CPVL: variants seen among roughly 807,000 people sequenced by gnomAD.
CPVL encodes probable serine carboxypeptidase CPVL.
A neutral mutation model predicts 63.7 loss-of-function variants in CPVL; 51 were observed. That is an observed-to-expected ratio of 0.80 (90% CI 0.64 to 1.01). The LOEUF (loss-of-function observed/expected upper bound fraction) is 1.01, where lower values mean the gene tolerates loss of function less well. CPVL is among the 50% of genes least tolerant of loss of function. The probability of loss-of-function intolerance (pLI) is 0.00; values close to 1 mark genes in which losing one functional copy is unlikely to be tolerated. For synonymous variants in CPVL, 195 were observed against 206.0 expected, an observed-to-expected ratio of 0.95 and a Z score of 0.46; for missense variants, 530 against 573.1, an observed-to-expected ratio of 0.92 and a Z score of 0.77.
At chr7:29,072,206 T>C (rs1490256525) in intron 8 of CPVL, 95 bp downstream of exon 8, 18 of 1,391,146 alleles carry the variant, frequency 1.3e-5, no homozygotes, top group Non-Finnish European at 1.6e-5. Context: ...GTTTCCCTTA[T>C]CAAAAGTTAG....
chr7:29,134,974 A>T (rs955697953), intron 1 of CPVL, among the ~76,000 whole-genome samples: 11 of 151,878 alleles, frequency 7.2e-5, no homozygotes, highest in Non-Finnish European at 1.2e-4. Flanking sequence ...ATGGTGGCAC[A>T]CACCTGTGAT....
intron 11 of CPVL, among the ~76,000 whole-genome samples, chr7:29,049,326 G>A (rs1339617135): frequency 3.9e-5 from 6 of 151,994 alleles, no homozygotes; most frequent in Middle Eastern, 3.4e-3. Context: ...GAAACAAAAC[G>A]GGAGACATTA....
chr7:29,164,779 C>CAAAAAAAAAAA, intron 5 of CPVL, among the ~76,000 whole-genome samples: 1 of 85,880 alleles, frequency 1.2e-5, no homozygotes, highest in African/African-American at 4.3e-5. Flanking sequence ...AGACCTGTCT[C>CAAAAAAAAAAA]AAAAAAAAAA....
chr7:29,039,190 A>G (rs1035263371), intron 11 of CPVL, among the ~76,000 whole-genome samples: 1 of 152,238 alleles, frequency 6.6e-6, no homozygotes, highest in African/African-American at 2.4e-5. Flanking sequence ...CAAATCATAA[A>G]TTGAATTTCA....
intron 5 of CPVL, among the ~76,000 whole-genome samples, chr7:29,173,275 G>A (rs1452973967): frequency 6.6e-6 from 1 of 152,126 alleles, no homozygotes; most frequent in South Asian, 2.1e-4. Flanking sequence ...CCTGTAGCTG[G>A]CATTGCCCTG....
intron 1 of CPVL, among the ~76,000 whole-genome samples, chr7:29,125,423 C>T (rs1355874868): frequency 1.5e-5 from 2 of 137,882 alleles, no homozygotes; most frequent in Non-Finnish European, 3.1e-5. Context: ...GACAGAGTCT[C>T]GCTCTGTCAC....
At chr7:29,016,870 C>A (rs1786463740) in intron 12 of CPVL, among the ~76,000 whole-genome samples, 1 of 152,180 alleles carries the variant, frequency 6.6e-6, no homozygotes, top group African/African-American at 2.4e-5. Flanking sequence ...ACTTCCAAAC[C>A]AATATCAAGA....
In CPVL at chr7:29,144,533, G is replaced by A. The variant is rs1792241601; in HGVS notation, c.-11+1896C>T. On this transcript the variant is annotated intron_variant, in intron 1 of 12. Transcript: ENST00000265394. ...CAGAGATGGTGCCACTCCAGCTTGG[G>A]TGACAAAGTGAGACTCTTGTCTCAA... is the stretch of plus-strand genomic sequence containing the variant. Among the ~76,000 whole-genome samples, 3 of 152,094 alleles carry A rather than the reference G, an allele frequency of 2.0e-5. No individual in the cohort carries two copies. The South Asian group carries it at 6.2e-4, about 32-fold the overall frequency.
chr7:29,171,644 A>G (rs1350323488), intron 5 of CPVL, among the ~76,000 whole-genome samples: 6 of 152,132 alleles, frequency 3.9e-5, no homozygotes, highest in Admixed American at 2.6e-4. Context: ...CAAACTAAAT[A>G]CTTGTCCGGA....
intron 11 of CPVL, among the ~76,000 whole-genome samples, chr7:29,052,402 AT>A (rs1790268643): frequency 6.7e-6 from 1 of 149,446 alleles, no homozygotes; most frequent in Non-Finnish European, 1.5e-5. Flanking sequence ...TTTTAAACCT[AT>A]TTTTAACTTG....
chr7:29,096,324 T>A, intron 3 of CPVL, 107 bp from the exon 4 acceptor site: 1 of 861,420 alleles, frequency 1.2e-6, no homozygotes, highest in Non-Finnish European at 1.9e-6. Context: ...GGGCTGTGAC[T>A]AAATCCTACA....
intron 12 of CPVL, among the ~76,000 whole-genome samples, chr7:29,016,004 G>A (rs1013722350): frequency 3.9e-5 from 6 of 152,062 alleles, no homozygotes; most frequent in African/African-American, 7.2e-5. Flanking sequence ...ATCATCGGTC[G>A]CCATCCTTAT....
chr7:29,020,174 G>A (rs1786818815), intron 12 of CPVL, among the ~76,000 whole-genome samples: 1 of 152,186 alleles, frequency 6.6e-6, no homozygotes, highest in African/African-American at 2.4e-5. Flanking sequence ...CCAGGCCTGG[G>A]AGCATTTCAC....
At chr7:29,067,625 A>C (rs1302330330) in intron 9 of CPVL, among the ~76,000 whole-genome samples, 3 of 152,224 alleles carry the variant, frequency 2.0e-5, no homozygotes, top group African/African-American at 7.2e-5. Flanking sequence ...AAATAGTCAC[A>C]GAAGAGGTTG....
At chr7:29,030,848 G>C (rs1787958181) in intron 11 of CPVL, 89 bp from the exon 12 acceptor site, 1 of 1,045,994 alleles carries the variant, frequency 9.6e-7, no homozygotes, top group Admixed American at 2.7e-5. Context: ...GCCAGTGAGA[G>C]AGAAAAAGAG....
At chr7:29,148,354 C>G (rs1793069519), upstream of CPVL, 1 of 152,214 alleles carries the variant, frequency 6.6e-6, no homozygotes, top group Non-Finnish European at 1.5e-5. Context: ...TATTCAAAAA[C>G]AGGGTGTCCC....
Position 29,190,429 on chromosome 7 carries a change from C to T in CPVL, c.-447-3882G>A, listed in dbSNP as rs557024823. Among the ~76,000 whole-genome samples the T allele has an allele frequency of 7.8e-4, 119 of 152,300 alleles. 1 individual carries two copies. The highest frequency in any genetic ancestry group is 2.6e-3 in the African/African-American group (109 of 41,584). ...ACTAAAAAACACTCCAGAATGCCTGCAGTGAGGGAGCACAGCTCCTGCTAT... is the reference window on the plus strand; with the variant it reads ...ACTAAAAAACACTCCAGAATGCCTGTAGTGAGGGAGCACAGCTCCTGCTAT... On this transcript the variant is annotated intron_variant, in intron 1 of 16. Coordinates refer to the CPVL transcript ENST00000409850.
At chr7:29,029,369 C>T (rs1368968710) in intron 12 of CPVL, among the ~76,000 whole-genome samples, 1 of 152,138 alleles carries the variant, frequency 6.6e-6, no homozygotes, top group East Asian at 1.9e-4. Context: ...TATCATAGTA[C>T]TATTCACAAT....
chr7:29,052,887 C>T lies in CPVL; in HGVS notation c.1137+11174G>A, dbSNP rs188049993. Among the ~76,000 whole-genome samples, 258 of 152,090 alleles carry T rather than the reference C, an allele frequency of 1.7e-3. 1 individual carries two copies. Among genetic ancestry groups the T allele is most frequent in the African/African-American group, 5.6e-3 (232 of 41,474 alleles). On this transcript the variant is annotated intron_variant, in intron 11 of 12. Coordinates refer to ENST00000265394, the MANE Select transcript of CPVL (RefSeq NM_031311.5). ...TCATGCCACTGCACTGCAGCCTGGG[C>T]GACAGAGCAAGTCTCCATCTCAAAC...
Sources: gnomAD v4.1 joint callset for allele counts (sites outside exome capture counted in the v4.1 genomes callset) on GRCh38, gnomAD v4.1.1 for gene constraint, MANE v1.5 for transcripts, NCBI Gene and HGNC (gene_info 2026-07-23, HGNC 2026-07-21) for gene names.